FBXL17: variants seen among roughly 807,000 people sequenced by gnomAD.
FBXL17 encodes F-box/LRR-repeat protein 17.
FBXL17 carries 22 observed loss-of-function variants against 66.2 expected under a neutral mutation model. The ratio of observed to expected loss-of-function variants is 0.33; its 90% CI spans 0.24 to 0.47. The LOEUF is 0.47. Among genes scored for constraint, FBXL17 ranks in the 20% least tolerant of loss-of-function variants. FBXL17 has a pLI of 1.00. For missense variants in FBXL17, 878 were observed against 948.2 expected (o/e 0.93, Z 0.97); for synonymous variants, 474 against 400.5 (o/e 1.18, Z -2.19).
intron 7 of FBXL17, among the ~76,000 whole-genome samples, chr5:107,895,311 A>C (rs942258458): frequency 1.3e-5 from 2 of 152,030 alleles, no homozygotes; most frequent in African/African-American, 2.4e-5. Flanking sequence ...CTAAATAGTA[A>C]ATTTTGGGAT....
At chr5:108,353,901 G>A (rs951371793) in intron 3 of FBXL17, among the ~76,000 whole-genome samples, 2 of 152,176 alleles carry the variant, frequency 1.3e-5, no homozygotes, top group African/African-American at 4.8e-5. Context: ...TATGAAAGTT[G>A]CATTTCCCAG....
At chr5:108,150,430 C>G (rs1320490570) in intron 6 of FBXL17, among the ~76,000 whole-genome samples, 1 of 152,156 alleles carries the variant, frequency 6.6e-6, no homozygotes, top group East Asian at 1.9e-4. Context: ...TCTCAAACTC[C>G]TGAGCTCAAG....
chr5:108,070,748 G>C (rs1031891999), intron 6 of FBXL17, among the ~76,000 whole-genome samples: 1 of 152,152 alleles, frequency 6.6e-6, no homozygotes, highest in African/African-American at 2.4e-5. Flanking sequence ...ATCTTGACTA[G>C]TGAGATTAAG....
intron 6 of FBXL17, among the ~76,000 whole-genome samples, chr5:108,153,217 A>G (rs777589578): frequency 2.2e-4 from 34 of 152,210 alleles, no homozygotes; most frequent in Non-Finnish European, 2.9e-4. Context: ...GTGTGAGAAC[A>G]CACTAATACA....
At chr5:108,086,585 G>T (rs1351464833) in intron 6 of FBXL17, among the ~76,000 whole-genome samples, 1 of 152,056 alleles carries the variant, frequency 6.6e-6, no homozygotes, top group Non-Finnish European at 1.5e-5. Flanking sequence ...TTGAGATAGA[G>T]TTTCACTCTG....
At chr5:107,939,757 CCTCT>C (rs931480780) in intron 7 of FBXL17, among the ~76,000 whole-genome samples, 2 of 152,056 alleles carry the variant, frequency 1.3e-5, no homozygotes, top group African/African-American at 4.8e-5. Context: ...AAGACAGAAT[CCTCT>C]CTCTGTCTTC....
intron 8 of FBXL17, chr5:107,880,713 T>C (rs1415349501): frequency 6.3e-6 from 8 of 1,279,820 alleles, no homozygotes; most frequent in East Asian, 5.9e-5. Flanking sequence ...ACCCTGCAAA[T>C]TGCAGTTTGT....
intron 6 of FBXL17, among the ~76,000 whole-genome samples, chr5:108,061,229 G>A (rs1580388085): frequency 6.6e-6 from 1 of 152,194 alleles, no homozygotes; most frequent in East Asian, 1.9e-4. Context: ...TGAGGTTGCA[G>A]TGAGCTGAGA....
intron 4 of FBXL17, among the ~76,000 whole-genome samples, chr5:108,249,075 T>A (rs1756234477): frequency 6.6e-6 from 1 of 152,146 alleles, no homozygotes; most frequent in Admixed American, 6.5e-5. Context: ...ATGTTTGACA[T>A]CAAGACAGTC....
chr5:108,348,763 T>A (rs1747448745), intron 3 of FBXL17, among the ~76,000 whole-genome samples: 1 of 152,174 alleles, frequency 6.6e-6, no homozygotes, highest in African/African-American at 2.4e-5. Context: ...CCCTCCAAGG[T>A]ATGTATATTC....
intron 6 of FBXL17, among the ~76,000 whole-genome samples, chr5:108,053,281 T>G (rs984312351): frequency 6.6e-6 from 1 of 151,866 alleles, no homozygotes; most frequent in Non-Finnish European, 1.5e-5. Flanking sequence ...GAGAGAAAAT[T>G]TTTGCAATCT....
intron 7 of FBXL17, among the ~76,000 whole-genome samples, chr5:107,936,554 A>ATTCGTTTGTCCTACTT (rs1750914447): frequency 6.6e-6 from 1 of 152,036 alleles, no homozygotes; most frequent in Admixed American, 6.6e-5. Context: ...TTTAACAACT[A>ATTCGTTTGTCCTACTT]TTCTTGAATT....
chr5:108,279,152 C>A (rs1202093473), intron 4 of FBXL17, among the ~76,000 whole-genome samples: 7 of 152,146 alleles, frequency 4.6e-5, no homozygotes, highest in African/African-American at 1.4e-4. Flanking sequence ...AATGCCATGT[C>A]AGCCAACTCA....
At chr5:107,987,307 T>A (rs76087769) in intron 7 of FBXL17, among the ~76,000 whole-genome samples, 1 of 141,760 alleles carries the variant, frequency 7.1e-6, no homozygotes, top group Non-Finnish European at 1.5e-5. Flanking sequence ...TTTTTTTTTT[T>A]AACCAACAAT....
At chr5:108,283,603 C>A (rs1219775383) in intron 4 of FBXL17, among the ~76,000 whole-genome samples, 1 of 151,844 alleles carries the variant, frequency 6.6e-6, no homozygotes, top group Non-Finnish European at 1.5e-5. Context: ...AGGGAAAACT[C>A]TTCTGGACAT....
intron 7 of FBXL17, among the ~76,000 whole-genome samples, chr5:107,975,861 T>TG (rs1287767786): frequency 9.0e-5 from 6 of 66,804 alleles, no homozygotes; most frequent in South Asian, 5.5e-4. Context: ...GTTGTTGTTT[T>TG]TTTTTTTTTT....
intron 6 of FBXL17, among the ~76,000 whole-genome samples, chr5:108,107,669 A>G (rs1052023108): frequency 9.9e-5 from 15 of 151,848 alleles, no homozygotes; most frequent in South Asian, 4.2e-4. Flanking sequence ...AAAATTAGCC[A>G]GGCATGGTGG....
intron 1 of FBXL17, among the ~76,000 whole-genome samples, chr5:108,374,749 C>A (rs1228373033): frequency 5.3e-5 from 8 of 151,964 alleles, no homozygotes; most frequent in Non-Finnish European, 2.9e-5. Context: ...AGGAGGAAAT[C>A]TGGAAATTTC....
chr5:107,903,834 TG>T (rs1320733401), intron 7 of FBXL17, among the ~76,000 whole-genome samples: 5 of 152,180 alleles, frequency 3.3e-5, no homozygotes, highest in Admixed American at 3.3e-4. Flanking sequence ...TGAGCTTTAC[TG>T]GTGCAACTTC....
Sources: gnomAD v4.1 joint callset for allele counts (sites outside exome capture counted in the v4.1 genomes callset) on GRCh38, gnomAD v4.1.1 for gene constraint, MANE v1.5 for transcripts, NCBI Gene and HGNC (gene_info 2026-07-23, HGNC 2026-07-21) for gene names.